The following MCTP2 variants were observed in gnomAD, a reference collection of about 807,000 sequenced individuals.
MCTP2 encodes multiple C2 and transmembrane domain-containing protein 2.
In MCTP2, 132 loss-of-function variants were observed where a neutral mutation model predicts 111.6. The ratio of observed to expected loss-of-function variants is 1.18; its 90% CI spans 1.03 to 1.37. The LOEUF (loss-of-function observed/expected upper bound fraction) is 1.37. MCTP2 is among the 40% of genes most tolerant of loss of function. The pLI is 0.00. For synonymous variants in MCTP2, 395 were observed against 387.7 expected, an observed-to-expected ratio of 1.02 and a Z score of -0.22; for missense variants, 1,183 against 1,067.9, an observed-to-expected ratio of 1.11 and a Z score of -1.50.
intron 1 of MCTP2, among the ~76,000 whole-genome samples, chr15:94,262,350 A>G (rs955983071): frequency 1.3e-5 from 2 of 152,158 alleles, no homozygotes; most frequent in Admixed American, 6.5e-5. Context: ...TCTTTTAGCA[A>G]TTTATAAAGT....
chr15:94,435,646 T>C (rs2083429677), intron 17 of MCTP2, among the ~76,000 whole-genome samples: 2 of 133,920 alleles, frequency 1.5e-5, no homozygotes, highest in African/African-American at 2.7e-5. Flanking sequence ...TTTTTTTTTT[T>C]TTTGAGACGG....
intron 17 of MCTP2, chr15:94,402,992 G>C (rs1199271826): frequency 1.0e-6 from 1 of 995,060 alleles, no homozygotes; most frequent in Non-Finnish European, 1.2e-6. Flanking sequence ...TAAAAAATGG[G>C]GGAAAAAAAA....
intron 12 of MCTP2, among the ~76,000 whole-genome samples, chr15:94,370,987 C>T (rs12324029): frequency 0.02 from 3,018 of 152,116 alleles, 100 homozygotes; most frequent in African/African-American, 0.068. Flanking sequence ...TTCTTCCTTT[C>T]AGACAGGAAC....
intron 2 of MCTP2, among the ~76,000 whole-genome samples, chr15:94,302,804 A>G (rs890826292): frequency 2.0e-5 from 3 of 152,118 alleles, no homozygotes; most frequent in Non-Finnish European, 4.4e-5. Context: ...GTCGTCTCAC[A>G]TGTTTCCTCC....
intron 14 of MCTP2, among the ~76,000 whole-genome samples, chr15:94,386,341 C>T (rs1441908072): frequency 6.6e-6 from 1 of 152,178 alleles, no homozygotes; most frequent in Non-Finnish European, 1.5e-5. Context: ...TTCCCAAAGA[C>T]TTATTTTTTC....
chr15:94,257,571 T>TGTTG (rs1414142715), intron 1 of MCTP2, among the ~76,000 whole-genome samples: 1 of 10,744 alleles, frequency 9.3e-5, no homozygotes, highest in African/African-American at 4.5e-4. Context: ...TCTTTGTTGT[T>TGTTG]TTTTTTTTTT....
chr15:94,243,756 CAT>C (rs541636128), intron 1 of MCTP2, among the ~76,000 whole-genome samples: 329 of 144,830 alleles, frequency 2.3e-3, no homozygotes, highest in African/African-American at 8.2e-3. Context: ...TATACACATG[CAT>C]ATGTGTATAT....
At position 94,244,127 on chromosome 15, in the gene MCTP2, T is replaced by C. The variant is rs1331836102; in HGVS notation, c.-66+12463T>C. Among the ~76,000 whole-genome samples the C allele has an allele frequency of 4.8e-5, 7 of 145,822 alleles. 1 individual carries two copies. Among genetic ancestry groups the C allele is most frequent in the African/African-American group, 1.6e-4 (6 of 38,502 alleles). ...ATATGTGTATATGTTTATATACACA[T>C]GTATACACATGCATATGTGTATATG... On this transcript the variant is annotated intron_variant, in intron 1 of 22. Transcript: ENST00000357742.
chr15:94,236,349 GCCTATGATTCAAT>G (rs2070542591), intron 1 of MCTP2, among the ~76,000 whole-genome samples: 1 of 126,004 alleles, frequency 7.9e-6, no homozygotes, highest in South Asian at 2.6e-4. Context: ...ATAAAAAGTT[GCCTATGATTCAAT>G]CCTTTCTTTT....
At chr15:94,470,236 A>C in intron 20 of MCTP2, 97 bp from the exon 21 acceptor site, 1 of 963,676 alleles carries the variant, frequency 1.0e-6, no homozygotes, top group Non-Finnish European at 1.6e-6. Context: ...TGTAAAAAAA[A>C]TTTCTATAAT....
intron 1 of MCTP2, among the ~76,000 whole-genome samples, chr15:94,283,224 A>T (rs1596265145): frequency 1.3e-5 from 2 of 152,148 alleles, no homozygotes; most frequent in East Asian, 3.9e-4. Context: ...CCAGGCAGGG[A>T]CCCTGGGAGA....
At chr15:94,303,294 C>T (rs564773499) in intron 2 of MCTP2, among the ~76,000 whole-genome samples, 124 of 151,618 alleles carry the variant, frequency 8.2e-4, no homozygotes, top group African/African-American at 2.4e-3. Flanking sequence ...AATTTGGATT[C>T]GGATGTTTGA....
intron 1 of MCTP2, among the ~76,000 whole-genome samples, chr15:94,246,680 A>G (rs995414836): frequency 6.6e-6 from 1 of 152,204 alleles, no homozygotes; most frequent in African/African-American, 2.4e-5. Context: ...CCGAGGCTCT[A>G]TGAAATGGGT....
intron 1 of MCTP2, among the ~76,000 whole-genome samples, chr15:94,245,356 GTATA>G (rs200909576): frequency 1.8e-5 from 2 of 111,216 alleles, no homozygotes; most frequent in Non-Finnish European, 3.9e-5. Context: ...ACATACATAT[GTATA>G]TATATTTACA....
intron 20 of MCTP2, among the ~76,000 whole-genome samples, chr15:94,463,744 G>A (rs1343873887): frequency 6.6e-6 from 1 of 152,128 alleles, no homozygotes; most frequent in Non-Finnish European, 1.5e-5. Flanking sequence ...GGTAAAGGAA[G>A]TTCCCTTTTT....
At chr15:94,327,878 G>C (rs1404238689) in intron 4 of MCTP2, among the ~76,000 whole-genome samples, 1 of 152,196 alleles carries the variant, frequency 6.6e-6, no homozygotes, top group African/African-American at 2.4e-5. Flanking sequence ...GTGCAGTCTT[G>C]TGGATTGATC....
chr15:94,462,783 C>A (rs906662258), intron 20 of MCTP2, among the ~76,000 whole-genome samples: 1 of 152,190 alleles, frequency 6.6e-6, no homozygotes. Flanking sequence ...GGGTCCTCAT[C>A]TGTAGGATGG....
intron 1 of MCTP2, among the ~76,000 whole-genome samples, chr15:94,253,120 C>T (rs979384836): frequency 6.6e-6 from 1 of 152,106 alleles, no homozygotes; most frequent in Non-Finnish European, 1.5e-5. Flanking sequence ...CTCTGTGCTG[C>T]CACTAAAAGT....
At chr15:94,267,738 C>T (rs2073626678) in intron 1 of MCTP2, among the ~76,000 whole-genome samples, 2 of 152,066 alleles carry the variant, frequency 1.3e-5, no homozygotes, top group South Asian at 2.1e-4. Context: ...TCTTCACCAG[C>T]ACTTTGCATT....
Sources: gnomAD v4.1 joint callset for allele counts (sites outside exome capture counted in the v4.1 genomes callset) on GRCh38, gnomAD v4.1.1 for gene constraint, MANE v1.5 for transcripts, NCBI Gene and HGNC (gene_info 2026-07-23, HGNC 2026-07-21) for gene names.